RANBP2: variants seen among roughly 807,000 people sequenced by gnomAD.
RANBP2 encodes E3 SUMO-protein ligase RanBP2.
A neutral mutation model predicts 303.6 loss-of-function variants in RANBP2; 57 were observed. The observed-to-expected ratio is 0.19, with a 90% CI of 0.15 to 0.23. RANBP2 has a LOEUF of 0.23. Among genes scored for constraint, RANBP2 ranks in the 10% least tolerant of loss-of-function variants. RANBP2 has a pLI of 1.00. For missense variants in RANBP2, 3,138 were observed against 3,780.8 expected, an observed-to-expected ratio of 0.83 and a Z score of 4.46; for synonymous variants, 1,167 against 1,301.5, an observed-to-expected ratio of 0.90 and a Z score of 2.23.
the RANBP2 span, among the ~76,000 whole-genome samples, chr2:109,551,400 T>C: frequency 4.4e-4 from 67 of 152,318 alleles, no homozygotes; most frequent in African/African-American, 1.4e-3. Flanking sequence ...TGAGAAACTC[T>C]TGAATAAAAG....
At chr2:109,239,795 G>T in the RANBP2 span, among the ~76,000 whole-genome samples, 17 of 152,314 alleles carry the variant, frequency 1.1e-4, no homozygotes, top group South Asian at 3.1e-3. Flanking sequence ...TTTGGGAGGG[G>T]TGTTTCACGG....
At chr2:109,667,356 G>C in the RANBP2 span, 3 of 498,642 alleles carry the variant, frequency 6.0e-6, no homozygotes, top group Non-Finnish European at 1.1e-5. Context: ...AGCACACTTT[G>C]CATTTCTACT....
chr2:109,662,186 C>T, the RANBP2 span, among the ~76,000 whole-genome samples: 1 of 152,206 alleles, frequency 6.6e-6, no homozygotes, highest in African/African-American at 2.4e-5. Flanking sequence ...GAGTCTGAGA[C>T]TTTCCTTTGT....
chr2:109,267,899 C>T, the RANBP2 span, among the ~76,000 whole-genome samples: 1 of 129,496 alleles, frequency 7.7e-6, no homozygotes, highest in Non-Finnish European at 1.6e-5. Flanking sequence ...GGAGCTGCTG[C>T]AGCACAGCCA....
the RANBP2 span, among the ~76,000 whole-genome samples, chr2:109,725,200 C>T: frequency 6.6e-6 from 1 of 152,292 alleles, no homozygotes; most frequent in African/African-American, 2.4e-5. Context: ...GTGACTTCGC[C>T]CTCCCCTCCC....
chr2:109,312,646 G>C, the RANBP2 span, among the ~76,000 whole-genome samples: 3 of 152,200 alleles, frequency 2.0e-5, no homozygotes, highest in East Asian at 5.8e-4. Flanking sequence ...CTTTGGTCTA[G>C]CTTCTTTTAC....
At chr2:109,052,801 G>A in the RANBP2 span, among the ~76,000 whole-genome samples, 1 of 152,122 alleles carries the variant, frequency 6.6e-6, no homozygotes, top group Non-Finnish European at 1.5e-5. Flanking sequence ...GGCCCGGCCT[G>A]TCTTAATTAT....
At chr2:109,261,070 G>A in the RANBP2 span, among the ~76,000 whole-genome samples, 1 of 152,184 alleles carries the variant, frequency 6.6e-6, no homozygotes, top group African/African-American at 2.4e-5. Flanking sequence ...TTGGCCTGAA[G>A]TGTCTTACAC....
chr2:109,442,953 TGTGA>T, the RANBP2 span, among the ~76,000 whole-genome samples: 1 of 152,254 alleles, frequency 6.6e-6, no homozygotes, highest in Non-Finnish European at 1.5e-5. Context: ...AACGATATGC[TGTGA>T]GTAAGAAACA....
the RANBP2 span, among the ~76,000 whole-genome samples, chr2:109,701,397 C>T: frequency 4.6e-5 from 7 of 152,024 alleles, no homozygotes; most frequent in African/African-American, 1.7e-4. Context: ...TGCTTTTATA[C>T]GTTTTAGAGA....
At chr2:109,198,556 C>T in the RANBP2 span, among the ~76,000 whole-genome samples, 3 of 152,326 alleles carry the variant, frequency 2.0e-5, no homozygotes, top group East Asian at 3.9e-4. Flanking sequence ...ATGTTTGTTT[C>T]TCATAGTCCT....
At chr2:109,627,151 A>C in the RANBP2 span, among the ~76,000 whole-genome samples, 1 of 152,198 alleles carries the variant, frequency 6.6e-6, no homozygotes, top group Non-Finnish European at 1.5e-5. Flanking sequence ...AGCCTGGGCA[A>C]TACAGCAAGA....
In RANBP2 at chr2:108,753,298, C is replaced by G. The variant is rs183578532; in HGVS notation, c.1918-128C>G. 3,058 of 1,602,114 alleles carry G rather than the reference C, an allele frequency of 1.9e-3. 14 individuals are homozygous for G. Among genetic ancestry groups the G allele is most frequent in the African/African-American group, 0.013 (987 of 74,030 alleles). ...TTTTCTAAATTCACTAGCTCTCACA[C>G]ATAAGATATGACAGAGAAGAATAAT... On this transcript the variant is annotated intron_variant, in intron 13 of 28. Coordinates refer to ENST00000283195, the MANE Select transcript of RANBP2 (RefSeq NM_006267.5).
At chr2:109,010,928 G>A in the RANBP2 span, among the ~76,000 whole-genome samples, 1 of 152,216 alleles carries the variant, frequency 6.6e-6, no homozygotes, top group South Asian at 2.1e-4. Flanking sequence ...ATGTGTGTGA[G>A]CTGCAACCAC....
rs776885563 is a variant in RANBP2, at chr2:108,763,534, A to G, written c.2995A>G (p.Ile999Val). 19 of 1,614,010 alleles carry G rather than the reference A, an allele frequency of 1.2e-5. No homozygotes were observed. The highest frequency in any genetic ancestry group is 1.6e-4 in the Middle Eastern group (1 of 6,084). ...TTCAAGATCTGCAGAATCTAAGACTATAGAATTTGGGAAAACTAATTTTGT... is the reference window on the plus strand; with the variant it reads ...TTCAAGATCTGCAGAATCTAAGACTGTAGAATTTGGGAAAACTAATTTTGT... Reference protein sequence around the residue: ...HASRSAESKTIEFGKTNFVQP... With the variant: ...HASRSAESKTVEFGKTNFVQP... The change falls in exon 20 of 29, where the codon ATA (isoleucine) becomes GTA (valine). Residue 999 changes from isoleucine (I) to valine (V), a missense_variant. Coordinates refer to ENST00000283195, the MANE Select transcript of RANBP2 (RefSeq NM_006267.5).
the RANBP2 span, among the ~76,000 whole-genome samples, chr2:108,956,057 A>G: frequency 7.9e-5 from 12 of 152,096 alleles, no homozygotes; most frequent in Non-Finnish European, 1.8e-4. Context: ...AAATAAAATT[A>G]GATTAAAACA....
At chr2:108,923,459 G>A in the RANBP2 span, 7 of 1,613,796 alleles carry the variant, frequency 4.3e-6, no homozygotes, top group Non-Finnish European at 5.9e-6. Flanking sequence ...AGTAGCTACG[G>A]GGGAGAGACA....
At chr2:109,313,751 T>G in the RANBP2 span, 1 of 155,014 alleles carries the variant, frequency 6.5e-6, no homozygotes, top group Non-Finnish European at 1.5e-5. Context: ...TGCTTCCGGT[T>G]TCTTTGTAGC....
At chr2:108,964,729 G>A in the RANBP2 span, among the ~76,000 whole-genome samples, 1 of 152,246 alleles carries the variant, frequency 6.6e-6, no homozygotes, top group South Asian at 2.1e-4. Flanking sequence ...TCTCCGTTAC[G>A]CCACACTCAG....
Sources: allele counts gnomAD v4.1 joint callset (sites outside exome capture counted in the v4.1 genomes callset), GRCh38; gene constraint gnomAD v4.1.1; transcripts MANE v1.5; gene names NCBI Gene and HGNC (gene_info 2026-07-23, HGNC 2026-07-21).